The following ILDR2 variants were observed in gnomAD, a reference collection of about 807,000 sequenced individuals.
ILDR2 encodes immunoglobulin-like domain-containing receptor 2.
A neutral mutation model predicts 66.8 loss-of-function variants in ILDR2; 25 were observed. That is an observed-to-expected ratio of 0.37 (90% CI 0.27 to 0.52). The LOEUF is 0.52. ILDR2 is among the 20% of genes least tolerant of loss of function. The pLI is 0.88. For synonymous variants in ILDR2, 367 were observed against 357.2 expected (o/e 1.03, Z -0.31); for missense variants, 827 against 876.8 (o/e 0.94, Z 0.72).
chr1:166,945,556 C>T (rs909055767), intron 3 of ILDR2, among the ~76,000 whole-genome samples: 2 of 152,184 alleles, frequency 1.3e-5, no homozygotes, highest in African/African-American at 2.4e-5. Context: ...ACACATAAAA[C>T]TTTCAGCCAA....
chr1:166,926,896 T>A (rs1162306699), intron 7 of ILDR2, among the ~76,000 whole-genome samples, 171 bp downstream of exon 7: 1 of 149,550 alleles, frequency 6.7e-6, no homozygotes, highest in African/African-American at 2.4e-5. Flanking sequence ...CCAGAAGACC[T>A]TTTTTTCCCC....
rs1557921377 is a variant in ILDR2, at chr1:166,909,781, T to TATATATA, written c.*9573_*9574insTATATAT. On this transcript the variant is annotated 3_prime_UTR_variant, in exon 10 of 10. Transcript: ENST00000271417. ...TATAAATATATATAAATATATATAT[T>TATATATA]TATATATATATATATATATATATAT... is the stretch of plus-strand genomic sequence containing the variant. 1,457 of 64,098 alleles carry TATATATA rather than the reference T, an allele frequency of 0.023. 74 individuals carry two copies. The highest frequency in any genetic ancestry group is 0.033 in the South Asian group (72 of 2,186). 4.0% of individuals were successfully genotyped at this position (64,098 alleles called of 1,614,324 possible).
chr1:166,898,937 G>A (rs1343264699), intron 2 of ILDR2, among the ~76,000 whole-genome samples: 2 of 151,818 alleles, frequency 1.3e-5, no homozygotes, highest in Non-Finnish European at 2.9e-5. Flanking sequence ...GCACATACCT[G>A]TAGTCCCAAC....
At position 166,921,124 on chromosome 1, in the gene ILDR2, G is replaced by C; in HGVS notation, c.1467C>G (p.Thr489=). 1 of 1,528,788 alleles carries C rather than the reference G, an allele frequency of 6.5e-7. No homozygotes were observed. The highest frequency in any genetic ancestry group is 1.4e-5 in the African/African-American group (1 of 72,414). 94.7% of individuals were successfully genotyped at this position (1,528,788 alleles called of 1,614,324 possible). A position where few individuals can be genotyped will look rare whatever the true frequency, so the allele number is the denominator to read the frequency against. Residue 489 remains threonine (T), a synonymous_variant, in exon 9 of 10, where the codon ACC becomes ACG. Transcript: ENST00000271417. The surrounding 1 kb of genome is among the most constrained non-coding windows in gnomAD (Gnocchi z 5.3). ...GQRSRSREPL[T]DADRGWAFSP... ...TGAAGGCCCAGCCGCGGTCAGCATC[G>C]GTCAGGGGCTCGCGGCTGCGGCTGC... is the stretch of plus-strand genomic sequence containing the variant.
At chr1:166,968,041 A>G (rs1663066257) in intron 1 of ILDR2, among the ~76,000 whole-genome samples, 1 of 151,628 alleles carries the variant, frequency 6.6e-6, no homozygotes, top group African/African-American at 2.4e-5. Flanking sequence ...TGTCTAATCT[A>G]CTCTCCACAC....
intron 1 of ILDR2, among the ~76,000 whole-genome samples, chr1:166,960,395 A>G (rs1218757022): frequency 2.6e-5 from 4 of 152,226 alleles, no homozygotes; most frequent in African/African-American, 9.6e-5. Context: ...TAGTGTTGGC[A>G]TCAAATAGGA....
At chr1:166,948,516 A>C (rs113882579) in intron 3 of ILDR2, among the ~76,000 whole-genome samples, 74 of 152,286 alleles carry the variant, frequency 4.9e-4, no homozygotes, top group African/African-American at 1.7e-3. Context: ...ACACCCTGCA[A>C]TTAACTAAGG....
At chr1:166,972,558 A>G (rs970516471) in intron 1 of ILDR2, among the ~76,000 whole-genome samples, 26 of 152,266 alleles carry the variant, frequency 1.7e-4, no homozygotes, top group Non-Finnish European at 3.7e-4. Context: ...CACAATGGCA[A>G]TAAGGAATCA....
chr1:166,903,335 G>A (rs1221895723), downstream of ILDR2, among the ~76,000 whole-genome samples: 1 of 152,194 alleles, frequency 6.6e-6, no homozygotes, highest in African/African-American at 2.4e-5. Context: ...AGGTCATTTG[G>A]GAGCCAGGTT....
chr1:166,927,662 T>C (rs1660380832), intron 6 of ILDR2, among the ~76,000 whole-genome samples: 1 of 152,216 alleles, frequency 6.6e-6, no homozygotes, highest in South Asian at 2.1e-4. Context: ...CCTGAAAGCT[T>C]TGAGTTGCCT....
chr1:166,902,853 C>T (rs985332541), intron 2 of ILDR2, among the ~76,000 whole-genome samples: 4 of 152,192 alleles, frequency 2.6e-5, no homozygotes, highest in Non-Finnish European at 5.9e-5. Context: ...TCAAGAAATT[C>T]CACTGCTGTT....
At chr1:166,901,046 C>A (rs74119512) in intron 2 of ILDR2, among the ~76,000 whole-genome samples, 356 of 152,296 alleles carry the variant, frequency 2.3e-3, no homozygotes, top group African/African-American at 8.3e-3. Flanking sequence ...AAAGCAGAAG[C>A]AAAGCCCCAA....
At chr1:166,958,945 T>C (rs1445589045) in intron 1 of ILDR2, among the ~76,000 whole-genome samples, 1 of 152,216 alleles carries the variant, frequency 6.6e-6, no homozygotes, top group East Asian at 1.9e-4. Context: ...CCAAAGTCCT[T>C]GGCAAGGTAC....
rs1661119446 is a variant in ILDR2 at position 166,938,547 on chromosome 1, A to G, written c.556+967T>C. ...GCATACATTTGTGTCCTTGGGAGCAACATCAGTAAAAAGAATGTCTGTGTT... is the reference window on the plus strand; with the variant it reads ...GCATACATTTGTGTCCTTGGGAGCAGCATCAGTAAAAAGAATGTCTGTGTT... On this transcript the variant is annotated intron_variant, in intron 4 of 9. Coordinates refer to ENST00000271417, the MANE Select transcript of ILDR2 (RefSeq NM_199351.3). Among the ~76,000 whole-genome samples, 2 of 152,348 alleles carry G rather than the reference A, an allele frequency of 1.3e-5. 1 individual carries two copies. Among genetic ancestry groups the G allele is most frequent in the South Asian group, 4.1e-4 (2 of 4,828 alleles).
At chr1:166,972,943 A>G (rs1314176406) in intron 1 of ILDR2, among the ~76,000 whole-genome samples, 2 of 152,076 alleles carry the variant, frequency 1.3e-5, no homozygotes, top group Non-Finnish European at 2.9e-5. Flanking sequence ...GTCTGAATTC[A>G]TCTCCTCCTT....
At chr1:166,975,172 C>A in intron 1 of ILDR2, 51 bp downstream of exon 1, 1 of 1,450,176 alleles carries the variant, frequency 6.9e-7, no homozygotes, top group African/African-American at 1.4e-5. Context: ...GAGAACAGAA[C>A]CACTACAGGA....
At position 166,960,688 on chromosome 1, in the gene ILDR2, C is replaced by T. The variant is rs35234914; in HGVS notation, c.47-2587G>A. Among the ~76,000 whole-genome samples, 1,345 of 152,220 alleles carry T rather than the reference C, an allele frequency of 8.8e-3. 9 individuals carry two copies. The highest frequency in any genetic ancestry group is 0.024 in the Middle Eastern group (7 of 294). On this transcript the variant is annotated intron_variant, in intron 1 of 9. Coordinates refer to ENST00000271417, the MANE Select transcript of ILDR2 (RefSeq NM_199351.3). Reference sequence around the variant, plus strand: ...CATCACCACCAGGCTTGATTACATCCAGATTATGTAGATCAGCCCCATCAA... The same window carrying T: ...CATCACCACCAGGCTTGATTACATCTAGATTATGTAGATCAGCCCCATCAA...
intron 2 of ILDR2, among the ~76,000 whole-genome samples, chr1:166,902,135 G>C (rs2205714): frequency 0.87 from 131,966 of 152,302 alleles, 57,846 homozygotes; most frequent in East Asian, 0.99. Context: ...GCTGGGATTA[G>C]AGGCATGAGC....
rs1448525731 is a variant in ILDR2, at chr1:166,912,031, C to T, written c.*7324G>A. The T allele has an allele frequency of 6.6e-6, 1 of 152,104 alleles. No homozygotes were observed. Among genetic ancestry groups the T allele is most frequent in the Non-Finnish European group, 1.5e-5 (1 of 68,026 alleles). The allele number at this position is 152,104 out of a possible 1,614,324, so 9.4% of individuals were successfully genotyped here. A position where few individuals can be genotyped will look rare whatever the true frequency, so the allele number is the denominator to read the frequency against. ...CAATCCACGGATTTAGGAAACACCA[C>T]AAATCCTAATTTGGATAAATAAAAA... On this transcript the variant is annotated 3_prime_UTR_variant, in exon 10 of 10. Transcript: ENST00000271417.
Sources: gnomAD v4.1 joint callset for allele counts (sites outside exome capture counted in the v4.1 genomes callset) on GRCh38, gnomAD v4.1.1 for gene constraint, Gnocchi (gnomAD v3.1) non-coding constraint, MANE v1.5 for transcripts, NCBI Gene and HGNC (gene_info 2026-07-23, HGNC 2026-07-21) for gene names.